FAM193A: variants seen among roughly 807,000 people sequenced by gnomAD.
The protein encoded by FAM193A is protein FAM193A.
Under a neutral mutation model 126.5 loss-of-function variants are expected in FAM193A, and 22 were observed. The observed-to-expected ratio is 0.17, with a 90% CI of 0.12 to 0.25. FAM193A has a LOEUF of 0.25. Ranked by LOEUF, FAM193A falls within the 10% of genes least tolerant of loss-of-function variation. The pLI, the probability that FAM193A is intolerant of heterozygous loss-of-function variation, is 1.00. For missense variants in FAM193A, 1,675 were observed against 1,672.8 expected (o/e 1.00, Z -0.02); for synonymous variants, 761 against 646.8 (o/e 1.18, Z -2.68).
At chr4:2,636,960 G>GT (rs147686425) in intron 5 of FAM193A, among the ~76,000 whole-genome samples, 2,218 of 152,248 alleles carry the variant, frequency 0.015, 48 homozygotes, top group African/African-American at 0.051. Context: ...CTCACGTGAG[G>GT]TTTATTCCAC....
At chr4:2,670,463 T>G (rs1336093511) in intron 12 of FAM193A, among the ~76,000 whole-genome samples, 2 of 152,206 alleles carry the variant, frequency 1.3e-5, no homozygotes, top group Non-Finnish European at 2.9e-5. Flanking sequence ...GTCACACTTT[T>G]TTTTTTCCAG....
intron 2 of FAM193A, among the ~76,000 whole-genome samples, chr4:2,624,148 G>T (rs559868936): frequency 2.6e-5 from 4 of 152,122 alleles, no homozygotes; most frequent in Admixed American, 6.5e-5. Flanking sequence ...TTTGGCGTGG[G>T]ACATAGGAAG....
At chr4:2,599,623 C>T (rs1036497961) in intron 2 of FAM193A, among the ~76,000 whole-genome samples, 6 of 152,194 alleles carry the variant, frequency 3.9e-5, no homozygotes, top group Non-Finnish European at 4.4e-5. Flanking sequence ...TTGACCCATC[C>T]TAGCATCACG....
chr4:2,708,575 G>T (rs891048334), intron 19 of FAM193A, among the ~76,000 whole-genome samples: 1 of 151,752 alleles, frequency 6.6e-6, no homozygotes, highest in African/African-American at 2.4e-5. Flanking sequence ...CGATTTTCCT[G>T]CCTCGGCCTC....
At chr4:2,571,572 G>A (rs1010910297) in intron 1 of FAM193A, among the ~76,000 whole-genome samples, 5 of 151,586 alleles carry the variant, frequency 3.3e-5, no homozygotes, top group Admixed American at 6.6e-5. Flanking sequence ...ACAGAGTTTC[G>A]CTCTGTCCTC....
chr4:2,677,063 C>G (rs1425426856), intron 13 of FAM193A, among the ~76,000 whole-genome samples: 1 of 152,166 alleles, frequency 6.6e-6, no homozygotes, highest in Admixed American at 6.5e-5. Context: ...CTGTTCTCTC[C>G]TAAGAGTTTT....
intron 2 of FAM193A, among the ~76,000 whole-genome samples, chr4:2,609,764 C>A (rs567121791): frequency 2.0e-5 from 3 of 151,972 alleles, no homozygotes; most frequent in Non-Finnish European, 4.4e-5. Context: ...CCCGTCTCTA[C>A]TAAAAATATA....
At chr4:2,731,289 A>C (rs1399371576) in intron 20 of FAM193A, among the ~76,000 whole-genome samples, 2 of 151,042 alleles carry the variant, frequency 1.3e-5, no homozygotes, top group Non-Finnish European at 2.9e-5. Flanking sequence ...AATTGCTTGA[A>C]CCTTGGAGGT....
intron 17 of FAM193A, 50 bp downstream of exon 17, chr4:2,695,179 G>C (rs778345400): frequency 6.8e-7 from 1 of 1,463,134 alleles, no homozygotes; most frequent in African/African-American, 1.4e-5. Flanking sequence ...TGCAACACAC[G>C]GGCTCCTTTG....
chr4:2,602,995 G>C (rs71608213), intron 2 of FAM193A, among the ~76,000 whole-genome samples: 1 of 68,886 alleles, frequency 1.5e-5, no homozygotes, highest in Non-Finnish European at 2.4e-5. Context: ...TTGAGACGAA[G>C]TCTCGCTCTA....
chr4:2,612,683 A>G (rs570796349), intron 2 of FAM193A, among the ~76,000 whole-genome samples: 13 of 152,278 alleles, frequency 8.5e-5, no homozygotes, highest in African/African-American at 2.9e-4. Context: ...TGAAAAGACA[A>G]TTTTATCTCA....
intron 13 of FAM193A, among the ~76,000 whole-genome samples, chr4:2,686,974 G>A (rs1020871615): frequency 6.6e-6 from 1 of 152,024 alleles, no homozygotes; most frequent in Non-Finnish European, 1.5e-5. Context: ...TTGTCCCATG[G>A]GGCTCCCTTA....
chr4:2,612,088 G>C (rs1026697487), intron 2 of FAM193A, among the ~76,000 whole-genome samples: 1 of 149,490 alleles, frequency 6.7e-6, no homozygotes, highest in African/African-American at 2.5e-5. Context: ...CGTCTGTCTC[G>C]GCCTCCCAAA....
chr4:2,731,406 G>A (rs560265195), intron 20 of FAM193A, among the ~76,000 whole-genome samples: 2 of 151,718 alleles, frequency 1.3e-5, no homozygotes, highest in East Asian at 1.9e-4. Flanking sequence ...GGCTGGTCTC[G>A]AACTCCTAAG....
At position 2,566,260 on chromosome 4, in the gene FAM193A, C is replaced by G. The variant is rs184419581; in HGVS notation, c.255+29090C>G. ...GATGGGGTTTCACCGTGTTAGCCAG[C>G]ATGGTCTCGATCTTCTGACCTCGTG... On this transcript the variant is annotated intron_variant, in intron 1 of 20. Transcript: ENST00000637812. Among the ~76,000 whole-genome samples the G allele has an allele frequency of 4.5e-3, 691 of 152,140 alleles. 4 individuals carry two copies. The highest frequency in any genetic ancestry group is 0.015 in the South Asian group (70 of 4,816).
chr4:2,577,422 G>GTTTTTT (rs986931980), intron 1 of FAM193A, among the ~76,000 whole-genome samples: 6 of 115,542 alleles, frequency 5.2e-5, no homozygotes, highest in Admixed American at 3.6e-4. Flanking sequence ...TTTTTTTTTT[G>GTTTTTT]TTTTTTTTTT....
chr4:2,727,575 C>T (rs1720896102), intron 20 of FAM193A, among the ~76,000 whole-genome samples: 1 of 152,178 alleles, frequency 6.6e-6, no homozygotes, highest in Non-Finnish European at 1.5e-5. Context: ...TTTGAATTTA[C>T]TTGAAATTAT....
intron 14 of FAM193A, 118 bp downstream of exon 14, chr4:2,689,822 C>G (rs1716155533): frequency 2.9e-6 from 2 of 682,566 alleles, no homozygotes; most frequent in Admixed American, 3.6e-5. Context: ...GCTCCACCAC[C>G]TCTGTCTCCA....
At position 2,622,257 on chromosome 4, in the gene FAM193A, CAAAAAAAAAA is replaced by C. The variant is rs71178493; in HGVS notation, c.502-2988_502-2979del. ...GGGTGATAGAGCGAGACCCTGTCTCCAAAAAAAAAAAAAAAAAAAAAAAAAACCTAAATGT... is the reference window on the plus strand; with the variant it reads ...GGGTGATAGAGCGAGACCCTGTCTCCAAAAAAAAAAAAAAAACCTAAATGT... On this transcript the variant is annotated intron_variant, in intron 2 of 20. Coordinates refer to ENST00000637812, the MANE Select transcript of FAM193A (RefSeq NM_001366318.2). Among the ~76,000 whole-genome samples the C allele has an allele frequency of 6.7e-3, 370 of 55,598 alleles. 1 individual carries two copies. Among genetic ancestry groups the C allele is most frequent in the Middle Eastern group, 0.026 (2 of 78 alleles). 36.5% of individuals were successfully genotyped at this position (55,598 alleles called of 152,430 possible).
Sources: allele counts gnomAD v4.1 joint callset (sites outside exome capture counted in the v4.1 genomes callset), GRCh38; gene constraint gnomAD v4.1.1; transcripts MANE v1.5; gene names NCBI Gene and HGNC (gene_info 2026-07-23, HGNC 2026-07-21).